The following CTNNA2 variants were observed in gnomAD, a reference collection of about 807,000 sequenced individuals.
CTNNA2 encodes the protein catenin alpha-2.
In CTNNA2, 42 loss-of-function variants were observed where a neutral mutation model predicts 101.0. The ratio of observed to expected loss-of-function variants is 0.42; its 90% confidence interval spans 0.32 to 0.54. CTNNA2 has a LOEUF of 0.54. Among genes scored for constraint, CTNNA2 ranks in the 20% least tolerant of loss-of-function variants. CTNNA2 has a pLI of 0.14. For missense variants in CTNNA2, 871 were observed against 1,223.1 expected, an observed-to-expected ratio of 0.71 and a Z score of 4.29; for synonymous variants, 450 against 456.4, an observed-to-expected ratio of 0.99 and a Z score of 0.18.
At chr2:79,696,492 G>A (rs1206578629) in intron 2 of CTNNA2, among the ~76,000 whole-genome samples, 1 of 152,020 alleles carries the variant, frequency 6.6e-6, no homozygotes, top group Non-Finnish European at 1.5e-5. Flanking sequence ...CGGTTGGCAT[G>A]GATGAAAAGG....
chr2:79,698,601 G>T (rs6547259), intron 2 of CTNNA2, among the ~76,000 whole-genome samples: 6 of 151,858 alleles, frequency 4.0e-5, no homozygotes, highest in Admixed American at 2.0e-4. Context: ...AATAATATTT[G>T]GGGGTAATTC....
intron 7 of CTNNA2, among the ~76,000 whole-genome samples, chr2:79,961,880 A>G (rs2104533979): frequency 6.6e-6 from 1 of 151,890 alleles, no homozygotes; most frequent in South Asian, 2.1e-4. Flanking sequence ...TTGATATAGA[A>G]GTGATTCAGA....
chr2:80,066,782 A>G (rs1698010815), intron 7 of CTNNA2, among the ~76,000 whole-genome samples: 1 of 152,198 alleles, frequency 6.6e-6, no homozygotes, highest in Non-Finnish European at 1.5e-5. Flanking sequence ...AGATATATGC[A>G]CTTCCATGTT....
intron 9 of CTNNA2, among the ~76,000 whole-genome samples, chr2:80,477,623 T>C (rs1685828247): frequency 6.6e-6 from 1 of 152,210 alleles, no homozygotes; most frequent in South Asian, 2.1e-4. Context: ...ATTTTCTGCT[T>C]CTGCATCACT....
chr2:79,441,957 A>G lies in CTNNA2; in HGVS notation c.-134-63097A>G, dbSNP rs990281450. Among the ~76,000 whole-genome samples the G allele has an allele frequency of 3.9e-5, 6 of 152,100 alleles. No individual in the cohort carries two copies. The South Asian group carries it at 1.2e-3, about 32-fold the overall frequency. Reference sequence around the variant, plus strand: ...ATACCATTCCCATAGCTTTCACATGACTTTTCTTTCCAAGTTCAGCCCAAA... The same window carrying G: ...ATACCATTCCCATAGCTTTCACATGGCTTTTCTTTCCAAGTTCAGCCCAAA... On this transcript the variant is annotated intron_variant, in intron 4 of 21. Transcript: ENST00000466387.
chr2:79,381,338 C>T (rs1678037045), intron 4 of CTNNA2, among the ~76,000 whole-genome samples: 1 of 152,148 alleles, frequency 6.6e-6, no homozygotes, highest in Non-Finnish European at 1.5e-5. Context: ...GGTTTCAGGA[C>T]AATCCTCTTT....
At chr2:79,724,466 T>A (rs1227864728) in intron 2 of CTNNA2, among the ~76,000 whole-genome samples, 1 of 151,912 alleles carries the variant, frequency 6.6e-6, no homozygotes, top group Non-Finnish European at 1.5e-5. Flanking sequence ...ATAAAGGGAT[T>A]GAGTGGACTC....
chr2:80,630,408 G>A (rs184663369), intron 18 of CTNNA2, among the ~76,000 whole-genome samples: 146 of 152,178 alleles, frequency 9.6e-4, no homozygotes, highest in Middle Eastern at 6.8e-3. Context: ...GGAGGCCGAG[G>A]CGGGTGGATC....
intron 9 of CTNNA2, among the ~76,000 whole-genome samples, chr2:80,470,066 G>A (rs930919286): frequency 2.0e-5 from 3 of 152,136 alleles, no homozygotes; most frequent in Non-Finnish European, 4.4e-5. Flanking sequence ...ACCCGTGCGG[G>A]GGAGAGAAGC....
chr2:80,104,726 CAGT>C, intron 7 of CTNNA2, among the ~76,000 whole-genome samples: 1 of 152,168 alleles, frequency 6.6e-6, no homozygotes. Flanking sequence ...AATTCAGCAG[CAGT>C]AATTCTGAGA....
At chr2:80,285,880 A>G (rs1220188474) in intron 7 of CTNNA2, among the ~76,000 whole-genome samples, 1 of 152,198 alleles carries the variant, frequency 6.6e-6, no homozygotes, top group African/African-American at 2.4e-5. Flanking sequence ...TCCCTATACA[A>G]CAAAGGTAAA....
chr2:79,280,357 C>G (rs1365231763), intron 2 of CTNNA2, among the ~76,000 whole-genome samples: 4 of 152,058 alleles, frequency 2.6e-5, no homozygotes, highest in Non-Finnish European at 5.9e-5. Flanking sequence ...TCTATACATG[C>G]CTGCACCACA....
rs116561152 is a variant in CTNNA2 at position 80,274,301 on chromosome 2, G to A, written c.1057-118910G>A. ...CAGAGACTGTCCTTTTGCAAAATCA[G>A]ACTCTAGAAGTATTTGTTTATCATC... On this transcript the variant is annotated intron_variant, in intron 7 of 18. Transcript: ENST00000402739. 5.0e-3 allele frequency among the ~76,000 whole-genome samples: 762 copies of A among 152,230 alleles called. 5 individuals are homozygous for A. The highest frequency in any genetic ancestry group is 0.017 in the African/African-American group (720 of 41,540).
intron 2 of CTNNA2, among the ~76,000 whole-genome samples, chr2:79,221,896 G>T (rs1283147297): frequency 1.3e-5 from 2 of 152,136 alleles, no homozygotes; most frequent in African/African-American, 4.8e-5. Context: ...TGTGGTCATG[G>T]AAGATAACGG....
intron 9 of CTNNA2, among the ~76,000 whole-genome samples, chr2:80,439,476 G>T (rs1682358585): frequency 6.6e-6 from 1 of 152,132 alleles, no homozygotes; most frequent in African/African-American, 2.4e-5. Flanking sequence ...TCAGCTCACT[G>T]CAACCTCTGC....
intron 7 of CTNNA2, among the ~76,000 whole-genome samples, chr2:80,308,598 C>A (rs898560971): frequency 1.3e-5 from 2 of 152,160 alleles, no homozygotes; most frequent in African/African-American, 2.4e-5. Flanking sequence ...AGGCTGCTCT[C>A]AGGAGATCCA....
chr2:79,791,559 TTAGG>T (rs1254568889), intron 3 of CTNNA2, among the ~76,000 whole-genome samples: 3 of 152,302 alleles, frequency 2.0e-5, no homozygotes, highest in East Asian at 3.9e-4. Context: ...GTAGCCTTTG[TTAGG>T]TAGGATTTTT....
intron 2 of CTNNA2, among the ~76,000 whole-genome samples, chr2:79,723,333 T>C (rs1686607596): frequency 6.6e-6 from 1 of 152,224 alleles, no homozygotes; most frequent in South Asian, 2.1e-4. Flanking sequence ...AGTTGCATTG[T>C]TTATGAAGAG....
intron 3 of CTNNA2, among the ~76,000 whole-genome samples, chr2:79,774,869 G>T (rs1188773698): frequency 6.6e-6 from 1 of 152,184 alleles, no homozygotes; most frequent in Non-Finnish European, 1.5e-5. Context: ...GTGGCATAGA[G>T]AAACCTTTCT....
Sources: allele counts gnomAD v4.1 joint callset (sites outside exome capture counted in the v4.1 genomes callset), GRCh38; gene constraint gnomAD v4.1.1; transcripts MANE v1.5; gene names NCBI Gene and HGNC (gene_info 2026-07-23, HGNC 2026-07-21).